The following ADAMTSL1 variants were observed in gnomAD, a reference collection of about 807,000 sequenced individuals.
The protein encoded by ADAMTSL1 is ADAMTS-like protein 1.
A neutral mutation model predicts 201.8 loss-of-function variants in ADAMTSL1; 126 were observed. That is an observed-to-expected ratio of 0.62 (90% CI 0.54 to 0.72). The LOEUF (loss-of-function observed/expected upper bound fraction) is 0.72, where lower values mean the gene tolerates loss of function less well. Among genes scored for constraint, ADAMTSL1 ranks in the 30% least tolerant of loss-of-function variants. ADAMTSL1 has a pLI of 0.00. For synonymous variants in ADAMTSL1, 1,121 were observed against 903.4 expected (o/e 1.24, Z -4.32); for missense variants, 2,679 against 2,277.8 (o/e 1.18, Z -3.59).
At chr9:18,747,859 G>C (rs754365304) in intron 15 of ADAMTSL1, among the ~76,000 whole-genome samples, 3 of 152,136 alleles carry the variant, frequency 2.0e-5, no homozygotes, top group Non-Finnish European at 4.4e-5. Flanking sequence ...CAGAACTCCA[G>C]CACTGTCCGG....
At chr9:18,864,171 T>C (rs1249379632) in intron 23 of ADAMTSL1, among the ~76,000 whole-genome samples, 1 of 152,226 alleles carries the variant, frequency 6.6e-6, no homozygotes, top group Non-Finnish European at 1.5e-5. Flanking sequence ...TGTATATTCT[T>C]ATTTTCAGAG....
chr9:18,399,765 T>G (rs1461220688), intron 2 of ADAMTSL1, among the ~76,000 whole-genome samples: 3 of 152,164 alleles, frequency 2.0e-5, no homozygotes, highest in Non-Finnish European at 4.4e-5. Flanking sequence ...AATTTGAAGA[T>G]TTTGCAGCCA....
At chr9:17,984,731 T>A (rs1818854374) in intron 1 of ADAMTSL1, among the ~76,000 whole-genome samples, 1 of 152,142 alleles carries the variant, frequency 6.6e-6, no homozygotes, top group Non-Finnish European at 1.5e-5. Flanking sequence ...AAACCTATTC[T>A]TTTGATGGCA....
chr9:18,351,953 GT>G (rs928587457), intron 2 of ADAMTSL1, among the ~76,000 whole-genome samples: 2 of 152,098 alleles, frequency 1.3e-5, no homozygotes, highest in African/African-American at 2.4e-5. Context: ...TGACCTAGTT[GT>G]TTAATTACAG....
chr9:18,633,035 A>G (rs1303918331), intron 5 of ADAMTSL1, among the ~76,000 whole-genome samples: 2 of 152,148 alleles, frequency 1.3e-5, no homozygotes, highest in East Asian at 3.9e-4. Flanking sequence ...GCCAAGAGCT[A>G]GGGTATTAAT....
At chr9:18,561,465 G>T (rs1037306294) in intron 3 of ADAMTSL1, among the ~76,000 whole-genome samples, 2 of 152,124 alleles carry the variant, frequency 1.3e-5, no homozygotes, top group African/African-American at 4.8e-5. Context: ...GTCAATTTTA[G>T]AATAAGTGTA....
intron 1 of ADAMTSL1, among the ~76,000 whole-genome samples, chr9:18,064,848 G>A (rs1384586867): frequency 6.7e-6 from 1 of 150,154 alleles, no homozygotes; most frequent in Non-Finnish European, 1.5e-5. Flanking sequence ...AGATGTCTTT[G>A]AGTCAAGACA....
chr9:18,109,010 C>G (rs1824884515), intron 1 of ADAMTSL1, among the ~76,000 whole-genome samples: 1 of 152,028 alleles, frequency 6.6e-6, no homozygotes, highest in Admixed American at 6.6e-5. Context: ...TTACTCAGTG[C>G]TATAGTTTTT....
intron 1 of ADAMTSL1, among the ~76,000 whole-genome samples, chr9:17,935,626 T>A (rs960103147): frequency 6.6e-6 from 1 of 152,180 alleles, no homozygotes; most frequent in Non-Finnish European, 1.5e-5. Flanking sequence ...GTTCTTTTAT[T>A]TGCTCAGGTC....
intron 23 of ADAMTSL1, among the ~76,000 whole-genome samples, chr9:18,863,197 G>A (rs1231434985): frequency 6.6e-6 from 1 of 152,164 alleles, no homozygotes; most frequent in Non-Finnish European, 1.5e-5. Flanking sequence ...GAATAACCAA[G>A]TCCTAGGGTA....
chr9:18,228,065 C>T (rs1385959638), intron 2 of ADAMTSL1, among the ~76,000 whole-genome samples: 1 of 152,156 alleles, frequency 6.6e-6, no homozygotes, highest in Non-Finnish European at 1.5e-5. Context: ...AATATAAGCC[C>T]AATAGCCACG....
intron 1 of ADAMTSL1, among the ~76,000 whole-genome samples, chr9:18,482,491 G>A (rs1389943285): frequency 6.6e-6 from 1 of 152,106 alleles, no homozygotes; most frequent in Non-Finnish European, 1.5e-5. Flanking sequence ...CTTTCTCTAA[G>A]TCAATTCAGT....
chr9:18,648,177 A>C lies in ADAMTSL1; in HGVS notation c.834+8766A>C, dbSNP rs541045521. On this transcript the variant is annotated intron_variant, in intron 7 of 28. Transcript: ENST00000380548. ...TGTCTCTTTTGATCTTTGTTGGTTT[A>C]AAGTCTGTTTTGTCAGAGACTAGGA... is the stretch of plus-strand genomic sequence containing the variant. 5.0e-5 allele frequency among the ~76,000 whole-genome samples: 7 copies of C among 139,960 alleles called. No homozygotes were observed. The South Asian group carries it at 1.4e-3, about 29-fold the overall frequency. The allele number at this position is 139,960 out of a possible 152,430, so 91.8% of individuals were successfully genotyped here. A position where few individuals can be genotyped will look rare whatever the true frequency, so the allele number is the denominator to read the frequency against.
At chr9:18,201,849 T>C (rs1829460844) in intron 2 of ADAMTSL1, among the ~76,000 whole-genome samples, 2 of 152,168 alleles carry the variant, frequency 1.3e-5, no homozygotes, top group Non-Finnish European at 2.9e-5. Flanking sequence ...GGAATGATAA[T>C]GCCTATATCA....
chr9:18,788,436 G>T (rs536450231), intron 19 of ADAMTSL1, among the ~76,000 whole-genome samples: 67 of 127,152 alleles, frequency 5.3e-4, no homozygotes, highest in African/African-American at 2.0e-3. Flanking sequence ...CTGCCAACTA[G>T]GCCCCGGTAG....
chr9:18,343,455 G>C (rs2132979038), intron 2 of ADAMTSL1, among the ~76,000 whole-genome samples: 1 of 152,218 alleles, frequency 6.6e-6, no homozygotes, highest in East Asian at 1.9e-4. Flanking sequence ...CACAAGTCCA[G>C]CAGGAGCCAG....
intron 2 of ADAMTSL1, among the ~76,000 whole-genome samples, chr9:18,193,579 A>G (rs1395658099): frequency 6.6e-6 from 1 of 152,074 alleles, no homozygotes; most frequent in Non-Finnish European, 1.5e-5. Flanking sequence ...CCAAATCCAG[A>G]TGTGAGGACA....
chr9:18,193,459 C>T (rs1226481209), intron 2 of ADAMTSL1, among the ~76,000 whole-genome samples: 1 of 152,038 alleles, frequency 6.6e-6, no homozygotes, highest in South Asian at 2.1e-4. Flanking sequence ...AGCTCCTTTG[C>T]CTTGGAAGAA....
At chr9:18,253,648 G>C (rs1831555928) in intron 2 of ADAMTSL1, among the ~76,000 whole-genome samples, 1 of 152,192 alleles carries the variant, frequency 6.6e-6, no homozygotes, top group Non-Finnish European at 1.5e-5. Context: ...CTTTCTAGAA[G>C]TTGTCAAGCT....
Sources: gnomAD v4.1 joint callset for allele counts (sites outside exome capture counted in the v4.1 genomes callset) on GRCh38, gnomAD v4.1.1 for gene constraint, MANE v1.5 for transcripts, NCBI Gene and HGNC (gene_info 2026-07-23, HGNC 2026-07-21) for gene names.